The following DIP2C variants were observed in gnomAD, a reference collection of about 807,000 sequenced individuals.
DIP2C encodes DIP2 acetate--CoA ligase C (putative).
A neutral mutation model predicts 192.4 loss-of-function variants in DIP2C; 33 were observed. The observed-to-expected ratio is 0.17, with a 90% CI of 0.13 to 0.23. The LOEUF is 0.23. Among genes scored for constraint, DIP2C ranks in the 10% least tolerant of loss-of-function variants. DIP2C has a pLI of 1.00. For missense variants in DIP2C, 1,537 were observed against 2,110.1 expected (o/e 0.73, Z 5.32); for synonymous variants, 979 against 864.1 (o/e 1.13, Z -2.33).
chr10:336,018 C>T (rs1957751950), intron 29 of DIP2C, among the ~76,000 whole-genome samples: 2 of 152,252 alleles, frequency 1.3e-5, no homozygotes, highest in East Asian at 1.9e-4. Context: ...CCACCTCAGC[C>T]TCCCAAGTAG....
chr10:408,399 A>C (rs772651344), intron 9 of DIP2C, among the ~76,000 whole-genome samples: 3 of 152,230 alleles, frequency 2.0e-5, no homozygotes, highest in Non-Finnish European at 4.4e-5. Context: ...TACTTTTAAA[A>C]GAGGCCAAAC....
intron 15 of DIP2C, 151 bp downstream of exon 15, chr10:384,395 G>A: frequency 1.1e-6 from 1 of 886,564 alleles, no homozygotes; most frequent in Non-Finnish European, 1.7e-6. Flanking sequence ...GCGCCATCAG[G>A]CCTGGCTAAT....
At chr10:278,626 G>A (rs1188966867) in intron 36 of DIP2C, among the ~76,000 whole-genome samples, 1 of 152,242 alleles carries the variant, frequency 6.6e-6, no homozygotes, top group Non-Finnish European at 1.5e-5. Context: ...CTGCCATACA[G>A]CCATGGCTAA....
At position 309,967 on chromosome 10, in the gene DIP2C, C is replaced by A. The variant is rs1157120972; in HGVS notation, c.3986+64G>T. On this transcript the variant is annotated intron_variant, in intron 32 of 36. Transcript: ENST00000280886. Reference sequence around the variant, plus strand: ...ACCTCTTCTTCTAGATGGAGACCTGCATGCAAGGCCGCAGAACAAAACAAA... The same window carrying A: ...ACCTCTTCTTCTAGATGGAGACCTGAATGCAAGGCCGCAGAACAAAACAAA... 4.7e-6 allele frequency: 7 copies of A among 1,499,810 alleles called. No homozygotes were observed. In the East Asian group the frequency reaches 1.6e-4, roughly 34 times the overall value. 92.9% of individuals were successfully genotyped at this position (1,499,810 alleles called of 1,614,324 possible). A position where few individuals can be genotyped will look rare whatever the true frequency, so the allele number is the denominator to read the frequency against.
chr10:471,542 G>A (rs570737173), intron 3 of DIP2C, among the ~76,000 whole-genome samples: 2 of 152,288 alleles, frequency 1.3e-5, no homozygotes, highest in African/African-American at 2.4e-5. Context: ...AAAGCTCCAT[G>A]TGAGAACAAT....
At chr10:375,203 C>T (rs950741200) in intron 17 of DIP2C, among the ~76,000 whole-genome samples, 4 of 152,198 alleles carry the variant, frequency 2.6e-5, no homozygotes, top group Non-Finnish European at 5.9e-5. Context: ...CTCGCAGTAA[C>T]ACGAGAGTTC....
intron 1 of DIP2C, among the ~76,000 whole-genome samples, chr10:532,392 C>T (rs1847422988): frequency 6.6e-6 from 1 of 152,170 alleles, no homozygotes; most frequent in South Asian, 2.1e-4. Context: ...AACAGGTGGT[C>T]CCAGCAAAAC....
intron 1 of DIP2C, among the ~76,000 whole-genome samples, chr10:525,842 G>C (rs1847019730): frequency 6.6e-6 from 1 of 152,174 alleles, no homozygotes. Context: ...GGCCAAGCCT[G>C]GATGGAATCC....
At position 374,498 on chromosome 10, in the gene DIP2C, AG is replaced by A. The variant is rs367957795; in HGVS notation, c.1992-4866del. ...CCCTCCCTGTTTAGCAGACAGGGGC[AG>A]GGGCGAGGAGGGCTGAGTGCTACCC... On this transcript the variant is annotated intron_variant, in intron 17 of 36. Coordinates refer to ENST00000280886, the MANE Select transcript of DIP2C (RefSeq NM_014974.3). Among the ~76,000 whole-genome samples the A allele has an allele frequency of 7.4e-4, 112 of 152,330 alleles. 4 individuals carry two copies. The East Asian group carries it at 0.021, about 28-fold the overall frequency.
At chr10:546,841 GAC>G (rs1308598566) in intron 1 of DIP2C, among the ~76,000 whole-genome samples, 1 of 152,144 alleles carries the variant, frequency 6.6e-6, no homozygotes, top group Non-Finnish European at 1.5e-5. Context: ...GAAAGTGGCA[GAC>G]ACAAGATTTG....
At chr10:418,935 A>T in intron 6 of DIP2C, 130 bp downstream of exon 6, 1 of 1,388,388 alleles carries the variant, frequency 7.2e-7, no homozygotes. Flanking sequence ...AGGCTCCCGA[A>T]GATCTGATAA....
intron 9 of DIP2C, among the ~76,000 whole-genome samples, chr10:404,370 A>G (rs1964656752): frequency 6.6e-6 from 1 of 152,002 alleles, no homozygotes; most frequent in South Asian, 2.1e-4. Context: ...CACCACACTC[A>G]GCCAATTTTT....
intron 20 of DIP2C, among the ~76,000 whole-genome samples, chr10:364,148 G>A (rs915086789): frequency 6.6e-6 from 1 of 152,198 alleles, no homozygotes; most frequent in African/African-American, 2.4e-5. Context: ...TAGAGGGGAA[G>A]TTCAATGGAA....
At position 363,385 on chromosome 10, in the gene DIP2C, C is replaced by T. The variant is rs984659183; in HGVS notation, c.2478-74G>A. ...AGCCCTCCCTCCGCCATCAGGGGCT[C>T]CATAACCATCACTAGTGAGTGACAC... On this transcript the variant is annotated intron_variant, in intron 20 of 36. Coordinates refer to ENST00000280886, the MANE Select transcript of DIP2C (RefSeq NM_014974.3). The surrounding 1 kb of genome is among the most constrained non-coding windows in gnomAD (Gnocchi z 5.4). 19 of 1,295,532 alleles carry T rather than the reference C, an allele frequency of 1.5e-5. 1 individual carries two copies. Among genetic ancestry groups the T allele is most frequent in the Middle Eastern group, 1.9e-4 (1 of 5,384 alleles). 80.3% of individuals were successfully genotyped at this position (1,295,532 alleles called of 1,614,324 possible).
intron 1 of DIP2C, among the ~76,000 whole-genome samples, chr10:560,441 C>T (rs898182465): frequency 5.3e-5 from 8 of 152,062 alleles, no homozygotes; most frequent in African/African-American, 1.9e-4. Context: ...TTTAAGTTCT[C>T]GAGTCACTTA....
chr10:562,255 A>T (rs926528042), intron 1 of DIP2C, among the ~76,000 whole-genome samples: 5 of 152,272 alleles, frequency 3.3e-5, no homozygotes, highest in Non-Finnish European at 7.4e-5. Flanking sequence ...CTGTTCACCA[A>T]CATCATCAGG....
At chr10:494,160 G>T (rs1158233049) in intron 1 of DIP2C, among the ~76,000 whole-genome samples, 1 of 152,218 alleles carries the variant, frequency 6.6e-6, no homozygotes, top group African/African-American at 2.4e-5. Flanking sequence ...TCATCAGAAA[G>T]TGCTTTTGGA....
intron 1 of DIP2C, among the ~76,000 whole-genome samples, chr10:502,912 C>G (rs990925272): frequency 6.6e-6 from 1 of 152,198 alleles, no homozygotes; most frequent in African/African-American, 2.4e-5. Context: ...AGACTTACCA[C>G]AACTCCAACA....
Position 616,706 on chromosome 10 carries a change from G to A in DIP2C, c.85+72788C>T, listed in dbSNP as rs1853493645. ...TTCTACAAATGCAAATTCCCTCCTG[G>A]AATAGCCCAGCAACCCTGTGTACCT... On this transcript the variant is annotated intron_variant, in intron 1 of 36. Transcript: ENST00000280886. 2.0e-5 allele frequency among the ~76,000 whole-genome samples: 3 copies of A among 152,298 alleles called. No homozygotes were observed. In the South Asian group the frequency reaches 6.2e-4, roughly 32 times the overall value.
Sources: gnomAD v4.1 joint callset for allele counts (sites outside exome capture counted in the v4.1 genomes callset) on GRCh38, gnomAD v4.1.1 for gene constraint, Gnocchi (gnomAD v3.1) non-coding constraint, MANE v1.5 for transcripts, NCBI Gene and HGNC (gene_info 2026-07-23, HGNC 2026-07-21) for gene names.